The following EXT1 variants were observed in gnomAD, a reference collection of about 807,000 sequenced individuals.
EXT1 encodes the protein exostosin-1.
Under a neutral mutation model 82.5 loss-of-function variants are expected in EXT1, and 20 were observed. The ratio of observed to expected loss-of-function variants is 0.24; its 90% CI spans 0.17 to 0.35. The LOEUF (loss-of-function observed/expected upper bound fraction) is 0.35, where lower values mean the gene tolerates loss of function less well. Among genes scored for constraint, EXT1 ranks in the 10% least tolerant of loss-of-function variants. The probability of loss-of-function intolerance (pLI) is 1.00; values close to 1 mark genes in which losing one functional copy is unlikely to be tolerated. For missense variants in EXT1, 757 were observed against 936.5 expected (o/e 0.81, Z 2.50); for synonymous variants, 348 against 350.8 (o/e 0.99, Z 0.09).
intron 1 of EXT1, among the ~76,000 whole-genome samples, chr8:117,854,109 G>A (rs866560998): frequency 6.6e-6 from 1 of 152,326 alleles, no homozygotes; most frequent in South Asian, 2.1e-4. Flanking sequence ...ACATCTTTCT[G>A]CTATGGTGAC....
intron 8 of EXT1, 79 bp downstream of exon 8, chr8:117,812,793 A>G (rs1366443372): frequency 3.1e-6 from 4 of 1,291,166 alleles, no homozygotes; most frequent in Non-Finnish European, 4.5e-6. Context: ...AGGCACGGCT[A>G]AAAGAAGCAT....
chr8:118,028,668 G>A (rs189785564), intron 1 of EXT1, among the ~76,000 whole-genome samples: 2,385 of 152,256 alleles, frequency 0.016, 44 homozygotes, highest in Middle Eastern at 0.15. Context: ...GGTGGCTCAT[G>A]CCTGTAATCC....
chr8:117,851,648 CA>C (rs17452791), intron 1 of EXT1, among the ~76,000 whole-genome samples: 1 of 145,384 alleles, frequency 6.9e-6, no homozygotes, highest in South Asian at 2.2e-4. Context: ...CACACACACA[CA>C]CCATTATTTA....
At chr8:117,966,268 G>A (rs1288468711) in intron 1 of EXT1, among the ~76,000 whole-genome samples, 5 of 152,182 alleles carry the variant, frequency 3.3e-5, no homozygotes, top group Non-Finnish European at 1.5e-5. Context: ...AGATCTCTGT[G>A]TGTATTACGA....
chr8:117,991,278 A>G (rs1815427550), intron 1 of EXT1, among the ~76,000 whole-genome samples: 1 of 151,894 alleles, frequency 6.6e-6, no homozygotes, highest in Non-Finnish European at 1.5e-5. Flanking sequence ...GCCCAGCTAA[A>G]TTTTATATTT....
At chr8:118,057,540 A>G (rs1322323437) in intron 1 of EXT1, among the ~76,000 whole-genome samples, 1 of 151,788 alleles carries the variant, frequency 6.6e-6, no homozygotes, top group Non-Finnish European at 1.5e-5. Context: ...GCGAAACTCC[A>G]TCTTAATTTA....
chr8:118,029,162 C>T (rs1816258011), intron 1 of EXT1, among the ~76,000 whole-genome samples: 1 of 152,126 alleles, frequency 6.6e-6, no homozygotes, highest in African/African-American at 2.4e-5. Flanking sequence ...ATGTGCCAGG[C>T]TCATGCTTGT....
intron 1 of EXT1, among the ~76,000 whole-genome samples, chr8:118,026,333 T>C (rs1816201554): frequency 6.6e-6 from 1 of 152,214 alleles, no homozygotes; most frequent in Admixed American, 6.5e-5. Context: ...TATTATTTTT[T>C]ATTTATGCAA....
intron 1 of EXT1, among the ~76,000 whole-genome samples, chr8:117,937,922 T>C (rs552382985): frequency 8.5e-5 from 13 of 152,374 alleles, no homozygotes; most frequent in East Asian, 7.7e-4. Flanking sequence ...CTGCTCACTC[T>C]AGTCACAGAT....
At chr8:117,981,840 A>G (rs1464070306) in intron 1 of EXT1, among the ~76,000 whole-genome samples, 1 of 152,070 alleles carries the variant, frequency 6.6e-6, no homozygotes, top group Non-Finnish European at 1.5e-5. Flanking sequence ...ATCACACCAC[A>G]GCACTTCAGC....
At chr8:117,951,475 T>G (rs948346315) in intron 1 of EXT1, among the ~76,000 whole-genome samples, 1 of 152,210 alleles carries the variant, frequency 6.6e-6, no homozygotes, top group African/African-American at 2.4e-5. Flanking sequence ...CATGTATTCA[T>G]TCATACATTC....
chr8:117,819,620 A>T (rs982712910), intron 6 of EXT1, 56 bp downstream of exon 6: 19 of 1,452,890 alleles, frequency 1.3e-5, no homozygotes, highest in African/African-American at 1.4e-5. Context: ...AGGAGGGCGG[A>T]GTCTCTGGTC....
rs1039569715 is a variant in EXT1 at position 117,797,337 on chromosome 8, T to G, written c.*2375A>C. 1.3e-5 allele frequency: 2 copies of G among 152,236 alleles called. No homozygotes were observed. Among genetic ancestry groups the G allele is most frequent in the Non-Finnish European group, 2.9e-5 (2 of 68,044 alleles). The allele number at this position is 152,236 out of a possible 1,614,324, so 9.4% of individuals were successfully genotyped here. A position where few individuals can be genotyped will look rare whatever the true frequency, so the allele number is the denominator to read the frequency against. ...AGATTTAAAGTGGATGAAAGGTGTG[T>G]TATATCCTGTTCTTATTTATAATTA... On this transcript the variant is annotated 3_prime_UTR_variant, in exon 11 of 11. Transcript: ENST00000378204.
intron 1 of EXT1, among the ~76,000 whole-genome samples, chr8:117,909,987 TGAAC>T (rs1813615437): frequency 6.6e-6 from 1 of 152,020 alleles, no homozygotes; most frequent in Non-Finnish European, 1.5e-5. Context: ...AAACTGGCCT[TGAAC>T]TCCTGACTTC....
intron 1 of EXT1, among the ~76,000 whole-genome samples, chr8:117,972,620 AC>A (rs1814965908): frequency 6.6e-6 from 1 of 152,232 alleles, no homozygotes; most frequent in Non-Finnish European, 1.5e-5. Context: ...TAGTTTTGAT[AC>A]GTGTATTAGT....
At chr8:117,986,785 G>T (rs565757520) in intron 1 of EXT1, among the ~76,000 whole-genome samples, 56 of 152,260 alleles carry the variant, frequency 3.7e-4, no homozygotes, top group African/African-American at 1.3e-3. Context: ...AGTGTTGATA[G>T]GACAGTCAGT....
At chr8:117,973,587 A>C (rs1425904086) in intron 1 of EXT1, among the ~76,000 whole-genome samples, 1 of 151,936 alleles carries the variant, frequency 6.6e-6, no homozygotes, top group Non-Finnish European at 1.5e-5. Context: ...TGGGCAACAT[A>C]ATGAGTCCCT....
Position 118,010,989 on chromosome 8 carries a change from GA to G in EXT1, c.962+99095del, listed in dbSNP as rs1212610293. 2.0e-5 allele frequency among the ~76,000 whole-genome samples: 3 copies of G among 152,192 alleles called. No homozygotes were observed. In the East Asian group the frequency reaches 5.8e-4, roughly 29 times the overall value. ...CTGAGAGGACAACAGGAGCTTGCAG[GA>G]AAGAAGAGGGGTAAGGAAATGGGAG... On this transcript the variant is annotated intron_variant, in intron 1 of 10. Transcript: ENST00000378204.
At chr8:117,833,206 G>A (rs969633242) in intron 3 of EXT1, among the ~76,000 whole-genome samples, 1 of 152,066 alleles carries the variant, frequency 6.6e-6, no homozygotes, top group African/African-American at 2.4e-5. Context: ...AATATGAGAG[G>A]GGAAAAACAC....
Sources: allele counts gnomAD v4.1 joint callset (sites outside exome capture counted in the v4.1 genomes callset), GRCh38; gene constraint gnomAD v4.1.1; transcripts MANE v1.5; gene names NCBI Gene and HGNC (gene_info 2026-07-23, HGNC 2026-07-21).